The following PPP1R9A variants were observed in gnomAD, a reference collection of about 807,000 sequenced individuals.
The protein encoded by PPP1R9A is protein phosphatase 1 regulatory subunit 9A.
PPP1R9A carries 59 observed loss-of-function variants against 141.9 expected under a neutral mutation model. The ratio of observed to expected loss-of-function variants is 0.42; its 90% CI spans 0.34 to 0.52. The LOEUF (loss-of-function observed/expected upper bound fraction) is 0.52. Among genes scored for constraint, PPP1R9A ranks in the 20% least tolerant of loss-of-function variants. The pLI is 0.10. For missense variants in PPP1R9A, 1,444 were observed against 1,611.9 expected, an observed-to-expected ratio of 0.90 and a Z score of 1.78; for synonymous variants, 500 against 569.7, an observed-to-expected ratio of 0.88 and a Z score of 1.74.
At chr7:95,028,216 A>G (rs1327167236) in intron 2 of PPP1R9A, among the ~76,000 whole-genome samples, 3 of 152,150 alleles carry the variant, frequency 2.0e-5, no homozygotes, top group African/African-American at 7.2e-5. Flanking sequence ...TAATCATACA[A>G]CTCATGTGTA....
chr7:95,205,672 C>T (rs1260197692), intron 7 of PPP1R9A, among the ~76,000 whole-genome samples: 1 of 152,088 alleles, frequency 6.6e-6, no homozygotes, highest in Non-Finnish European at 1.5e-5. Flanking sequence ...ACTCTGTTGC[C>T]CTTGTATGTC....
chr7:94,956,713 G>GA (rs1797112658), intron 2 of PPP1R9A, among the ~76,000 whole-genome samples: 1 of 151,296 alleles, frequency 6.6e-6, no homozygotes, highest in Non-Finnish European at 1.5e-5. Context: ...GTCTCCTAAG[G>GA]AAAAAAAAGT....
At chr7:95,128,848 G>A (rs1166417965) in intron 4 of PPP1R9A, among the ~76,000 whole-genome samples, 1 of 152,186 alleles carries the variant, frequency 6.6e-6, no homozygotes, top group Non-Finnish European at 1.5e-5. Context: ...AAAGTGCTGG[G>A]CTTACAGGCA....
chr7:94,986,184 A>G (rs1800808374), intron 2 of PPP1R9A, among the ~76,000 whole-genome samples: 2 of 152,270 alleles, frequency 1.3e-5, no homozygotes, highest in East Asian at 3.9e-4. Context: ...TTAAACTTGC[A>G]TTTCCATTGC....
At chr7:95,148,238 A>G (rs970529506) in intron 4 of PPP1R9A, among the ~76,000 whole-genome samples, 2 of 152,178 alleles carry the variant, frequency 1.3e-5, no homozygotes, top group African/African-American at 4.8e-5. Flanking sequence ...AAAACAGGAA[A>G]TCAGTAGAGA....
intron 5 of PPP1R9A, among the ~76,000 whole-genome samples, chr7:95,193,745 G>C (rs1361409413): frequency 1.3e-5 from 2 of 151,738 alleles, no homozygotes; most frequent in African/African-American, 2.4e-5. Flanking sequence ...TCTCTCACAG[G>C]GTCTTTCTTA....
intron 2 of PPP1R9A, among the ~76,000 whole-genome samples, chr7:94,966,298 T>C (rs1299796315): frequency 6.6e-6 from 1 of 152,206 alleles, no homozygotes; most frequent in African/African-American, 2.4e-5. Context: ...ACTTCCTCTC[T>C]TCCTGTGTGA....
intron 2 of PPP1R9A, among the ~76,000 whole-genome samples, chr7:95,068,745 G>C (rs1276817366): frequency 6.6e-6 from 1 of 152,066 alleles, no homozygotes; most frequent in Non-Finnish European, 1.5e-5. Context: ...TAGGACCAAG[G>C]AAGGCTAGAA....
At chr7:95,176,830 A>G (rs1466085953) in intron 5 of PPP1R9A, among the ~76,000 whole-genome samples, 2 of 152,136 alleles carry the variant, frequency 1.3e-5, no homozygotes, top group Non-Finnish European at 2.9e-5. Flanking sequence ...AAAAAAGAAT[A>G]TGAAAATATG....
At chr7:95,203,539 T>C (rs1378052588) in intron 6 of PPP1R9A, 126 bp from the exon 7 acceptor site, 4 of 581,894 alleles carry the variant, frequency 6.9e-6, no homozygotes, top group Non-Finnish European at 1.1e-5. Context: ...TGCCGCAATA[T>C]TGTCTTAGTA....
At chr7:95,268,458 A>G (rs989055508) in intron 12 of PPP1R9A, 92 bp from the exon 13 acceptor site, 7 of 1,421,600 alleles carry the variant, frequency 4.9e-6, no homozygotes, top group Non-Finnish European at 6.7e-6. Flanking sequence ...ACCTGATGTT[A>G]CTGGTTACCT....
intron 4 of PPP1R9A, among the ~76,000 whole-genome samples, chr7:95,123,582 G>A (rs2152495669): frequency 6.6e-6 from 1 of 152,330 alleles, no homozygotes; most frequent in Admixed American, 6.5e-5. Context: ...CTGGGAGGTA[G>A]AGGTGGCAGT....
chr7:94,914,077 A>G (rs1034466365), intron 2 of PPP1R9A, among the ~76,000 whole-genome samples: 1 of 152,208 alleles, frequency 6.6e-6, no homozygotes, highest in Non-Finnish European at 1.5e-5. Context: ...TATTTATGGA[A>G]TGGGAAGTTG....
At position 95,098,391 on chromosome 7, in the gene PPP1R9A, A is replaced by T. The variant is rs1563232525; in HGVS notation, c.1396-12868A>T. On this transcript the variant is annotated intron_variant, in intron 2 of 19. Coordinates refer to ENST00000433360, the MANE Select transcript of PPP1R9A (RefSeq NM_001166160.2). The stretch of plus-strand genomic sequence containing the variant: ...GACTGAATAAAAATAAATAAATAAA[A>T]AATAAATGTAAAAAAAAAAAAGACC... The T allele has an allele frequency of 2.5e-5, 3 of 119,070 alleles. No individual in the cohort carries two copies. The South Asian group carries it at 6.7e-4, about 27-fold the overall frequency. The allele number at this position is 119,070 out of a possible 1,614,324, so 7.4% of individuals were successfully genotyped here. A position where few individuals can be genotyped will look rare whatever the true frequency, so the allele number is the denominator to read the frequency against.
chr7:95,006,981 G>A (rs1420640768), intron 2 of PPP1R9A, among the ~76,000 whole-genome samples: 2 of 151,998 alleles, frequency 1.3e-5, no homozygotes, highest in Non-Finnish European at 1.5e-5. Flanking sequence ...TCCTGCCTCA[G>A]CCTCCTAAGT....
chr7:95,264,845 A>G (rs1268279953), intron 12 of PPP1R9A, among the ~76,000 whole-genome samples: 1 of 152,204 alleles, frequency 6.6e-6, no homozygotes, highest in African/African-American at 2.4e-5. Context: ...GCTGACCCTT[A>G]TGGACAACAG....
At chr7:95,252,466 GA>G (rs1799011329) in intron 12 of PPP1R9A, among the ~76,000 whole-genome samples, 1 of 129,930 alleles carries the variant, frequency 7.7e-6, no homozygotes, top group African/African-American at 3.1e-5. Flanking sequence ...CTAAGGTTTA[GA>G]TTTTTTTTTT....
intron 2 of PPP1R9A, among the ~76,000 whole-genome samples, chr7:94,946,642 G>A (rs904203850): frequency 2.0e-5 from 3 of 152,086 alleles, no homozygotes; most frequent in South Asian, 4.1e-4. Flanking sequence ...TTTAGCCTGT[G>A]TATATTGACT....
intron 5 of PPP1R9A, among the ~76,000 whole-genome samples, chr7:95,188,156 A>G (rs1214963761): frequency 6.6e-6 from 1 of 152,148 alleles, no homozygotes; most frequent in Non-Finnish European, 1.5e-5. Context: ...TTATAAATTT[A>G]GGAGTGCTGC....
Sources: gnomAD v4.1 joint callset for allele counts (sites outside exome capture counted in the v4.1 genomes callset) on GRCh38, gnomAD v4.1.1 for gene constraint, MANE v1.5 for transcripts, NCBI Gene and HGNC (gene_info 2026-07-23, HGNC 2026-07-21) for gene names.